SMURF1: variants seen among roughly 807,000 people sequenced by gnomAD.
The protein encoded by SMURF1 is E3 ubiquitin-protein ligase SMURF1.
Under a neutral mutation model 98.0 loss-of-function variants are expected in SMURF1, and 44 were observed. That is an observed-to-expected ratio of 0.45 (90% CI 0.35 to 0.58). SMURF1 has a LOEUF of 0.58. Ranked by LOEUF, SMURF1 falls within the 20% of genes least tolerant of loss-of-function variation. The pLI, the probability that SMURF1 is intolerant of heterozygous loss-of-function variation, is 0.00. For missense variants in SMURF1, 687 were observed against 938.4 expected (o/e 0.73, Z 3.50); for synonymous variants, 396 against 374.9 (o/e 1.06, Z -0.65).
At chr7:99,095,208 T>C (rs900473768) in intron 1 of SMURF1, among the ~76,000 whole-genome samples, 5 of 152,056 alleles carry the variant, frequency 3.3e-5, no homozygotes, top group African/African-American at 9.7e-5. Flanking sequence ...GCCTCCCGAG[T>C]AGCTGGGATT....
intron 14 of SMURF1, 41 bp from the exon 15 acceptor site, chr7:99,037,228 A>G: frequency 6.2e-7 from 1 of 1,612,464 alleles, no homozygotes; most frequent in Non-Finnish European, 8.5e-7. Context: ...CACCAAGTGG[A>G]TTTTCCGCCA....
chr7:99,122,245 T>C (rs1797647234), intron 1 of SMURF1, among the ~76,000 whole-genome samples: 2 of 151,202 alleles, frequency 1.3e-5, no homozygotes, highest in African/African-American at 4.9e-5. Flanking sequence ...GGAGAATCGC[T>C]TGAACCCGGG....
At chr7:99,137,229 G>A (rs1454744460) in intron 1 of SMURF1, among the ~76,000 whole-genome samples, 1 of 152,060 alleles carries the variant, frequency 6.6e-6, no homozygotes, top group African/African-American at 2.4e-5. Flanking sequence ...TATTAATACT[G>A]TGCTACTCTA....
chr7:99,137,951 ACATAGCTCCATGGC>A (rs1798031718), intron 1 of SMURF1, among the ~76,000 whole-genome samples: 1 of 152,214 alleles, frequency 6.6e-6, no homozygotes, highest in African/African-American at 2.4e-5. Context: ...TGTTTTTTAA[ACATAGCTCCATGGC>A]TTTCCTTTAA....
At chr7:99,049,734 G>A in intron 8 of SMURF1, 25 bp from the exon 9 acceptor site, 1 of 1,607,202 alleles carries the variant, frequency 6.2e-7, no homozygotes, top group Admixed American at 1.7e-5. Context: ...GATACAGAGA[G>A]GTTTGTCCAA....
At chr7:99,032,502 C>T in intron 17 of SMURF1, among the ~76,000 whole-genome samples, 1 of 152,220 alleles carries the variant, frequency 6.6e-6, no homozygotes, top group East Asian at 1.9e-4. Context: ...AACCCCATCT[C>T]TACTAAAAAT....
chr7:99,128,533 G>A (rs534384611), intron 1 of SMURF1, among the ~76,000 whole-genome samples: 12 of 152,272 alleles, frequency 7.9e-5, no homozygotes, highest in East Asian at 1.9e-4. Context: ...TATGCTAAGC[G>A]TATTACATAG....
intron 1 of SMURF1, among the ~76,000 whole-genome samples, chr7:99,124,472 A>G (rs1385822554): frequency 1.3e-5 from 2 of 152,214 alleles, no homozygotes; most frequent in Non-Finnish European, 2.9e-5. Context: ...TGAAGGCTGC[A>G]CAGCTCTAGC....
chr7:99,109,788 A>G (rs1797280462), intron 1 of SMURF1, among the ~76,000 whole-genome samples: 1 of 152,302 alleles, frequency 6.6e-6, no homozygotes, highest in East Asian at 1.9e-4. Context: ...TGATTTTTTT[A>G]AACTTAATAC....
chr7:99,049,459 T>C (rs1795685788), intron 9 of SMURF1, 104 bp downstream of exon 9: 2 of 1,195,938 alleles, frequency 1.7e-6, no homozygotes, highest in Non-Finnish European at 2.4e-6. Flanking sequence ...CCATGCTTAT[T>C]ATCCAACCAG....
At chr7:99,135,673 CTT>C in intron 1 of SMURF1, among the ~76,000 whole-genome samples, 1 of 152,316 alleles carries the variant, frequency 6.6e-6, no homozygotes, top group Admixed American at 6.5e-5. Context: ...TGATTTCAGT[CTT>C]TTATAATTTC....
chr7:99,075,664 AT>A (rs1796437672), intron 1 of SMURF1, among the ~76,000 whole-genome samples: 1 of 151,868 alleles, frequency 6.6e-6, no homozygotes, highest in South Asian at 2.1e-4. Flanking sequence ...ATTAGGTGTC[AT>A]CAGTGTCATG....
At chr7:99,066,624 A>G (rs1214979543) in intron 1 of SMURF1, among the ~76,000 whole-genome samples, 2 of 151,988 alleles carry the variant, frequency 1.3e-5, no homozygotes, top group African/African-American at 4.8e-5. Flanking sequence ...CAAAAAATAC[A>G]AAAATTAGCC....
At chr7:99,071,061 CT>C (rs58384494) in intron 1 of SMURF1, among the ~76,000 whole-genome samples, 44,244 of 141,926 alleles carry the variant, frequency 0.31, 7,663 homozygotes, top group Non-Finnish European at 0.42. Context: ...GCATTTGGAA[CT>C]TTTTTTTTTT....
At chr7:99,036,941 G>C in intron 15 of SMURF1, 126 bp downstream of exon 15, 3 of 1,431,950 alleles carry the variant, frequency 2.1e-6, no homozygotes, top group Non-Finnish European at 2.9e-6. Context: ...GCTCTAGTCT[G>C]GGAACCCCAG....
chr7:99,119,752 T>C (rs994748204), intron 1 of SMURF1, among the ~76,000 whole-genome samples: 38 of 152,028 alleles, frequency 2.5e-4, no homozygotes, highest in African/African-American at 9.2e-4. Flanking sequence ...GGTAAGGGGG[T>C]TCTCTATATT....
intron 1 of SMURF1, among the ~76,000 whole-genome samples, chr7:99,109,241 C>A (rs890846112): frequency 6.6e-6 from 1 of 152,192 alleles, no homozygotes; most frequent in African/African-American, 2.4e-5. Context: ...CCCCATCTTC[C>A]GTTGTCACTC....
chr7:99,104,609 T>A (rs892500550), intron 1 of SMURF1, among the ~76,000 whole-genome samples: 1 of 152,252 alleles, frequency 6.6e-6, no homozygotes, highest in Non-Finnish European at 1.5e-5. Context: ...TGTCACTTAA[T>A]AGAATGTGTG....
chr7:99,092,769 G>A (rs185839303), intron 1 of SMURF1, among the ~76,000 whole-genome samples: 4 of 152,128 alleles, frequency 2.6e-5, no homozygotes, highest in East Asian at 1.9e-4. Flanking sequence ...ATGAATCCAC[G>A]ATATATAGTG....
Sources: gnomAD v4.1 joint callset for allele counts (sites outside exome capture counted in the v4.1 genomes callset) on GRCh38, gnomAD v4.1.1 for gene constraint, MANE v1.5 for transcripts, NCBI Gene and HGNC (gene_info 2026-07-23, HGNC 2026-07-21) for gene names.